Variants in KCND2 observed in about 807,000 individuals in gnomAD.
The protein encoded by KCND2 is potassium voltage-gated channel subfamily D member 2, also known as A-type voltage-gated potassium channel KCND2.
Under a neutral mutation model 54.4 loss-of-function variants are expected in KCND2, and 16 were observed. The ratio of observed to expected loss-of-function variants is 0.29; its 90% CI spans 0.20 to 0.45. KCND2 has a LOEUF of 0.45. KCND2 is among the 20% of genes least tolerant of loss of function. The probability of loss-of-function intolerance (pLI) is 1.00; values close to 1 mark genes in which losing one functional copy is unlikely to be tolerated. For synonymous variants in KCND2, 317 were observed against 310.7 expected (o/e 1.02, Z -0.21); for missense variants, 486 against 824.2 (o/e 0.59, Z 5.02).
chr7:120,275,349 C>A lies in KCND2; in HGVS notation c.717C>A (p.Ile239=). 1 of 1,613,832 alleles carries A rather than the reference C, an allele frequency of 6.2e-7. No individual in the cohort carries two copies. Among genetic ancestry groups the A allele is most frequent in the Non-Finnish European group, 8.5e-7 (1 of 1,179,972 alleles). Residue 239 remains isoleucine, a synonymous_variant, in exon 1 of 6, where the codon ATC becomes ATA. Coordinates refer to ENST00000331113, the MANE Select transcript of KCND2 (RefSeq NM_012281.3). ...FFCLDTACVM[I]FTVEYLLRLA... is the part of the protein sequence containing the mutation. ...GCTTGGACACGGCCTGCGTCATGAT[C>A]TTCACAGTTGAGTATTTGCTTCGCC...
rs372082071 is a variant in KCND2 at position 120,332,423 on chromosome 7, C to G, written c.1115+56676C>G. ...CATTTACAAACCAAGTTTGAAAGGA[C>G]TAATTATGTCAAGTAACAAAAAGTA... On this transcript the variant is annotated intron_variant, in intron 1 of 5. Coordinates refer to ENST00000331113, the MANE Select transcript of KCND2 (RefSeq NM_012281.3). 2.0e-5 allele frequency among the ~76,000 whole-genome samples: 3 copies of G among 152,146 alleles called. No individual in the cohort carries two copies. The East Asian group carries it at 5.8e-4, about 29-fold the overall frequency.
chr7:120,725,295 T>TA (rs1554391825), intron 1 of KCND2, among the ~76,000 whole-genome samples: 1 of 152,186 alleles, frequency 6.6e-6, no homozygotes, highest in Non-Finnish European at 1.5e-5. Context: ...AGGGTCCTAA[T>TA]TAAGGGTTTC....
chr7:120,433,387 A>G (rs1233861332), intron 1 of KCND2, among the ~76,000 whole-genome samples: 1 of 152,238 alleles, frequency 6.6e-6, no homozygotes, highest in African/African-American at 2.4e-5. Flanking sequence ...TCTGTCTCCT[A>G]TTATCAGGAG....
At chr7:120,497,345 G>C (rs1008453386) in intron 1 of KCND2, among the ~76,000 whole-genome samples, 1 of 152,104 alleles carries the variant, frequency 6.6e-6, no homozygotes, top group Non-Finnish European at 1.5e-5. Flanking sequence ...CCACAACTGG[G>C]AAATAAAATA....
intron 1 of KCND2, among the ~76,000 whole-genome samples, chr7:120,578,283 G>A (rs770564882): frequency 4.6e-5 from 7 of 151,938 alleles, no homozygotes; most frequent in Non-Finnish European, 8.8e-5. Context: ...GCAAGACCCT[G>A]TTTCAAGAAA....
chr7:120,692,248 T>C (rs1792278946), intron 1 of KCND2, among the ~76,000 whole-genome samples: 1 of 152,162 alleles, frequency 6.6e-6, no homozygotes, highest in African/African-American at 2.4e-5. Flanking sequence ...CGTGCCAATA[T>C]TACATGAAGT....
At chr7:120,693,019 C>CA (rs1256640448) in intron 1 of KCND2, among the ~76,000 whole-genome samples, 1 of 152,020 alleles carries the variant, frequency 6.6e-6, no homozygotes, top group Non-Finnish European at 1.5e-5. Flanking sequence ...CAACTACTCA[C>CA]AAAAAAGATG....
At chr7:120,678,240 T>C (rs932465399) in intron 1 of KCND2, among the ~76,000 whole-genome samples, 5 of 151,304 alleles carry the variant, frequency 3.3e-5, no homozygotes, top group African/African-American at 1.2e-4. Flanking sequence ...TAAATAAGCA[T>C]GGTGCATTCC....
intron 1 of KCND2, among the ~76,000 whole-genome samples, chr7:120,327,114 T>G (rs1799989382): frequency 6.6e-6 from 1 of 152,118 alleles, no homozygotes; most frequent in Admixed American, 6.6e-5. Context: ...CTATATTACT[T>G]AACTTTAGGA....
intron 1 of KCND2, among the ~76,000 whole-genome samples, chr7:120,369,449 T>A (rs1165704650): frequency 1.3e-5 from 2 of 152,046 alleles, no homozygotes; most frequent in Non-Finnish European, 2.9e-5. Flanking sequence ...ATCAGTTTCC[T>A]TCAGGAAATA....
At position 120,305,300 on chromosome 7, in the gene KCND2, T is replaced by C. The variant is rs577591997; in HGVS notation, c.1115+29553T>C. On this transcript the variant is annotated intron_variant, in intron 1 of 5. Coordinates refer to ENST00000331113, the MANE Select transcript of KCND2 (RefSeq NM_012281.3). ...TTTAACCAGACATAAATTCATATTTTACTTTTTTCTTGTGGGCCTAGCTAT... is the reference window on the plus strand; with the variant it reads ...TTTAACCAGACATAAATTCATATTTCACTTTTTTCTTGTGGGCCTAGCTAT... Among the ~76,000 whole-genome samples the C allele has an allele frequency of 4.6e-5, 7 of 152,300 alleles. No homozygotes were observed. The South Asian group carries it at 1.4e-3, about 32-fold the overall frequency.
At position 120,393,302 on chromosome 7, in the gene KCND2, G is replaced by A. The variant is rs149153327; in HGVS notation, c.1115+117555G>A. 3.3e-3 allele frequency among the ~76,000 whole-genome samples: 495 copies of A among 152,072 alleles called. 5 individuals are homozygous for A. Among genetic ancestry groups the A allele is most frequent in the African/African-American group, 0.011 (451 of 41,522 alleles). On this transcript the variant is annotated intron_variant, in intron 1 of 5. Transcript: ENST00000331113. ...ATCGTACCAATATGTATATTGCCTA[G>A]CACAATACCAAACTCATCGGGAGCA...
chr7:120,678,346 TATA>T (rs1792093094), intron 1 of KCND2, among the ~76,000 whole-genome samples: 44 of 45,834 alleles, frequency 9.6e-4, no homozygotes, highest in Admixed American at 3.0e-3. Context: ...TGATTATTTA[TATA>T]TATATATATA....
At chr7:120,467,919 G>A (rs913349985) in intron 1 of KCND2, among the ~76,000 whole-genome samples, 5 of 151,994 alleles carry the variant, frequency 3.3e-5, no homozygotes, top group African/African-American at 1.2e-4. Flanking sequence ...AGGTACTTCT[G>A]TAGTATTTTT....
chr7:120,568,886 C>G lies in KCND2; in HGVS notation c.1116-164017C>G, dbSNP rs919134964. Among the ~76,000 whole-genome samples the G allele has an allele frequency of 5.9e-5, 9 of 152,122 alleles. No homozygotes were observed. In the South Asian group the frequency reaches 1.9e-3, roughly 31 times the overall value. ...ATTGATTATTTCATAAGGGCAGGGG[C>G]ATATCTTTTTTTTAATTTTGTTTCC... is the stretch of plus-strand genomic sequence containing the variant. On this transcript the variant is annotated intron_variant, in intron 1 of 5. Coordinates refer to ENST00000331113, the MANE Select transcript of KCND2 (RefSeq NM_012281.3).
chr7:120,493,536 A>T (rs1584800556), intron 1 of KCND2, among the ~76,000 whole-genome samples: 1 of 152,234 alleles, frequency 6.6e-6, no homozygotes, highest in Non-Finnish European at 1.5e-5. Context: ...GAAAAAAACA[A>T]CCAAATAGAA....
intron 1 of KCND2, among the ~76,000 whole-genome samples, chr7:120,692,938 C>T (rs1218603292): frequency 1.3e-5 from 2 of 152,128 alleles, no homozygotes; most frequent in South Asian, 2.1e-4. Context: ...GGTACATTTT[C>T]CCCGCAAAGG....
chr7:120,728,231 A>C (rs1792760305), intron 1 of KCND2, among the ~76,000 whole-genome samples: 1 of 151,352 alleles, frequency 6.6e-6, no homozygotes, highest in South Asian at 2.1e-4. Context: ...TGTTATCTAA[A>C]ATATTTGATA....
chr7:120,445,795 C>A (rs75028141), intron 1 of KCND2, among the ~76,000 whole-genome samples: 1 of 151,990 alleles, frequency 6.6e-6, no homozygotes, highest in East Asian at 1.9e-4. Flanking sequence ...ATCAACATAA[C>A]ATGTATGTTA....
Sources: gnomAD v4.1 joint callset for allele counts (sites outside exome capture counted in the v4.1 genomes callset) on GRCh38, gnomAD v4.1.1 for gene constraint, MANE v1.5 for transcripts, NCBI Gene and HGNC (gene_info 2026-07-23, HGNC 2026-07-21) for gene names.